The following DOCK3 variants were observed in gnomAD, a reference collection of about 807,000 sequenced individuals.
DOCK3 encodes dedicator of cytokinesis protein 3.
A neutral mutation model predicts 265.6 loss-of-function variants in DOCK3; 60 were observed. The observed-to-expected ratio is 0.23, with a 90% CI of 0.18 to 0.28. The LOEUF (loss-of-function observed/expected upper bound fraction) is 0.28. DOCK3 is among the 10% of genes least tolerant of loss of function. DOCK3 has a pLI of 1.00. For synonymous variants in DOCK3, 881 were observed against 938.0 expected (o/e 0.94, Z 1.11); for missense variants, 1,981 against 2,594.3 (o/e 0.76, Z 5.14).
intron 22 of DOCK3, among the ~76,000 whole-genome samples, chr3:51,254,694 G>T (rs1475191807): frequency 1.3e-5 from 2 of 152,080 alleles, no homozygotes; most frequent in Admixed American, 6.5e-5. Flanking sequence ...TGCAACCCCT[G>T]CTTTTTTTTG....
chr3:50,742,814 G>A (rs913616705), intron 1 of DOCK3, among the ~76,000 whole-genome samples: 1 of 152,088 alleles, frequency 6.6e-6, no homozygotes, highest in Non-Finnish European at 1.5e-5. Flanking sequence ...TAGCAAGGCA[G>A]GCCAACATTC....
intron 10 of DOCK3, 22 bp downstream of exon 10, chr3:51,146,652 C>T (rs1420055121): frequency 6.4e-7 from 1 of 1,561,212 alleles, no homozygotes; most frequent in South Asian, 1.2e-5. Flanking sequence ...TTCTCTTTTT[C>T]TTCTTTGCTG....
intron 33 of DOCK3, among the ~76,000 whole-genome samples, chr3:51,331,015 G>A (rs2109963615): frequency 6.6e-6 from 1 of 152,310 alleles, no homozygotes; most frequent in East Asian, 1.9e-4. Context: ...ACTTTCCAGT[G>A]TGCAAAATGT....
chr3:51,310,950 A>G (rs947331879), intron 28 of DOCK3, among the ~76,000 whole-genome samples: 7 of 152,240 alleles, frequency 4.6e-5, no homozygotes, highest in African/African-American at 1.7e-4. Flanking sequence ...CATATAAAAT[A>G]CAGTGAAAGT....
chr3:50,951,441 TC>T (rs2076589533), intron 5 of DOCK3, among the ~76,000 whole-genome samples: 1 of 152,346 alleles, frequency 6.6e-6, no homozygotes, highest in African/African-American at 2.4e-5. Context: ...AGTATTTTTT[TC>T]CATATGAGTT....
At position 51,020,879 on chromosome 3, in the gene DOCK3, G is replaced by A. The variant is rs1049927128; in HGVS notation, c.316-43569G>A. ...CTGTTTTGGTTACTGTAGCCCTGTA[G>A]TATAATTTGAAGTCAAGTAGCATAA... On this transcript the variant is annotated intron_variant, in intron 5 of 52. Transcript: ENST00000266037. Among the ~76,000 whole-genome samples, 3 of 151,958 alleles carry A rather than the reference G, an allele frequency of 2.0e-5. No individual in the cohort carries two copies. In the South Asian group the frequency reaches 6.2e-4, roughly 32 times the overall value.
At chr3:51,363,896 C>G (rs1576945802) in intron 49 of DOCK3, among the ~76,000 whole-genome samples, 1 of 152,188 alleles carries the variant, frequency 6.6e-6, no homozygotes, top group Non-Finnish European at 1.5e-5. Flanking sequence ...TTGATGGACA[C>G]TTGGGTTGGT....
At position 51,255,250 on chromosome 3, in the gene DOCK3, G is replaced by C. The variant is rs557458983; in HGVS notation, c.2185-4906G>C. ...CTGAGAGATCCCCTGTTAGTCTGAT[G>C]GGCTTCCCTTTGTAGGTAACCCAGT... On this transcript the variant is annotated intron_variant, in intron 22 of 52. Transcript: ENST00000266037. Among the ~76,000 whole-genome samples, 4 of 152,314 alleles carry C rather than the reference G, an allele frequency of 2.6e-5. No homozygotes were observed. The East Asian group carries it at 7.7e-4, about 29-fold the overall frequency.
chr3:51,260,577 C>T (rs1367020530), intron 23 of DOCK3, among the ~76,000 whole-genome samples: 1 of 152,188 alleles, frequency 6.6e-6, no homozygotes, highest in Non-Finnish European at 1.5e-5. Context: ...GTTCTGTGAA[C>T]AGTCTTTAGA....
rs1009178245 is a variant in DOCK3 at position 51,064,099 on chromosome 3, G to T, written c.316-349G>T. On this transcript the variant is annotated intron_variant, in intron 5 of 52. Coordinates refer to ENST00000266037, the MANE Select transcript of DOCK3 (RefSeq NM_004947.5). The stretch of plus-strand genomic sequence containing the variant: ...ATGGTTGAAATTTTTGCTTTTATGT[G>T]AACTGCAACTTCTGTGAGGGAAAGC... Among the ~76,000 whole-genome samples, 2 of 152,170 alleles carry T rather than the reference G, an allele frequency of 1.3e-5. 1 individual carries two copies. The highest frequency in any genetic ancestry group is 6.3e-3 in the Middle Eastern group (2 of 316).
chr3:51,356,104 C>G lies in DOCK3; in HGVS notation c.4265C>G (p.Ala1422Gly). The change falls in exon 42 of 53, where the codon GCA (alanine) becomes GGA (glycine). Residue 1422 changes from alanine (A) to glycine (G), a missense_variant. This residue lies in a region of DOCK3 where 1,357 missense variants were observed against 1,866.8 expected (regional missense o/e 0.73). Coordinates refer to ENST00000266037, the MANE Select transcript of DOCK3 (RefSeq NM_004947.5). Reference protein sequence around the residue: ...QCDAQYLQIYAVTPIPDYVDV... With the variant: ...QCDAQYLQIYGVTPIPDYVDV... ...TCCTGCCCAGACTTGCAGATCTATGCAGTGACGCCCATTCCAGATTATGTG... is the reference window on the plus strand; with the variant it reads ...TCCTGCCCAGACTTGCAGATCTATGGAGTGACGCCCATTCCAGATTATGTG... 1 of 1,613,972 alleles carries G rather than the reference C, an allele frequency of 6.2e-7. No homozygotes were observed. The highest frequency in any genetic ancestry group is 8.5e-7 in the Non-Finnish European group (1 of 1,179,874).
intron 5 of DOCK3, among the ~76,000 whole-genome samples, chr3:50,979,563 T>A (rs917177799): frequency 1.3e-5 from 2 of 152,116 alleles, no homozygotes; most frequent in Non-Finnish European, 2.9e-5. Flanking sequence ...AACTCCCCTT[T>A]CCCATTTGCC....
At chr3:51,164,940 C>CCT (rs2086315903) in intron 12 of DOCK3, among the ~76,000 whole-genome samples, 2 of 106,906 alleles carry the variant, frequency 1.9e-5, no homozygotes, top group East Asian at 3.1e-4. Flanking sequence ...GTTTAGGAGC[C>CCT]TTTTTTTTTT....
Position 50,869,013 on chromosome 3 carries a change from C to T in DOCK3, c.163-21013C>T, listed in dbSNP as rs187283813. On this transcript the variant is annotated intron_variant, in intron 3 of 52. Transcript: ENST00000266037. ...TTTTTGAGGTGGAGTCTCGCTCTGTCGCCCAGGCTGGAGTGCAGTGGCTTG... is the reference window on the plus strand; with the variant it reads ...TTTTTGAGGTGGAGTCTCGCTCTGTTGCCCAGGCTGGAGTGCAGTGGCTTG... 4.4e-3 allele frequency among the ~76,000 whole-genome samples: 582 copies of T among 131,226 alleles called. 6 individuals are homozygous for T. The highest frequency in any genetic ancestry group is 0.016 in the African/African-American group (556 of 35,110). The allele number at this position is 131,226 out of a possible 152,430, so 86.1% of individuals were successfully genotyped here.
At chr3:50,970,026 A>G (rs1430960581) in intron 5 of DOCK3, among the ~76,000 whole-genome samples, 3 of 152,098 alleles carry the variant, frequency 2.0e-5, no homozygotes, top group African/African-American at 7.2e-5. Flanking sequence ...GAGCCGAGAT[A>G]GCGCCACTGC....
At chr3:50,704,894 G>T (rs980180138) in intron 1 of DOCK3, among the ~76,000 whole-genome samples, 1 of 152,124 alleles carries the variant, frequency 6.6e-6, no homozygotes, top group Non-Finnish European at 1.5e-5. Flanking sequence ...CTCCCAAAGC[G>T]CTGGGATTAC....
chr3:51,027,075 C>G (rs80096060), intron 5 of DOCK3, among the ~76,000 whole-genome samples: 3,043 of 152,066 alleles, frequency 0.02, 125 homozygotes, highest in African/African-American at 0.07. Context: ...TTTCTATCTT[C>G]TTGATGTAGG....
At chr3:50,802,680 C>G (rs2043135506) in intron 2 of DOCK3, among the ~76,000 whole-genome samples, 1 of 151,696 alleles carries the variant, frequency 6.6e-6, no homozygotes. Flanking sequence ...TGACTTGACA[C>G]TTCTCTCTTG....
chr3:50,935,612 G>C (rs779874868), intron 5 of DOCK3, among the ~76,000 whole-genome samples: 2 of 152,116 alleles, frequency 1.3e-5, no homozygotes, highest in Non-Finnish European at 2.9e-5. Context: ...TCCCTTCCCC[G>C]CTGCATTGGT....
Sources: gnomAD v4.1 joint callset for allele counts (sites outside exome capture counted in the v4.1 genomes callset) on GRCh38, gnomAD v4.1.1 for gene constraint, gnomAD v4.1.1 regional missense constraint, MANE v1.5 for transcripts, NCBI Gene and HGNC (gene_info 2026-07-23, HGNC 2026-07-21) for gene names.